Variants in ITFG2 observed in about 807,000 individuals in gnomAD.
ITFG2 encodes integrin alpha FG-GAP repeat containing 2.
In ITFG2, 36 loss-of-function variants were observed where a neutral mutation model predicts 54.4. That is an observed-to-expected ratio of 0.66 (90% confidence interval 0.51 to 0.87). The LOEUF (loss-of-function observed/expected upper bound fraction) is 0.87, where lower values mean the gene tolerates loss of function less well. Ranked by LOEUF, ITFG2 falls within the 40% of genes least tolerant of loss-of-function variation. ITFG2 has a pLI of 0.00. For missense variants in ITFG2, 524 were observed against 576.7 expected (o/e 0.91, Z 0.94); for synonymous variants, 211 against 225.4 (o/e 0.94, Z 0.57).
chr12:2,814,509 C>T (rs2097916964), intron 1 of ITFG2, among the ~76,000 whole-genome samples: 1 of 152,010 alleles, frequency 6.6e-6, no homozygotes, highest in Admixed American at 6.6e-5. Context: ...CTGTTTTTTC[C>T]ACTGCTATAT....
chr12:2,850,289 C>G (rs1418924133), intron 2 of ITFG2, among the ~76,000 whole-genome samples: 2 of 152,018 alleles, frequency 1.3e-5, no homozygotes, highest in Non-Finnish European at 2.9e-5. Flanking sequence ...GCCTGGCCGA[C>G]ATGATGAAAC....
intron 2 of ITFG2, among the ~76,000 whole-genome samples, chr12:2,847,046 C>T (rs1427044410): frequency 6.6e-6 from 1 of 152,144 alleles, no homozygotes; most frequent in Non-Finnish European, 1.5e-5. Context: ...GGGAAGCATC[C>T]ATTCACCTTC....
At chr12:2,853,170 G>A (rs1010570585) in intron 2 of ITFG2, among the ~76,000 whole-genome samples, 2 of 152,300 alleles carry the variant, frequency 1.3e-5, no homozygotes, top group Middle Eastern at 6.8e-3. Flanking sequence ...GCCAGGGTCA[G>A]CACCTATCAG....
chr12:2,840,404 C>T (rs11611774), intron 1 of ITFG2, among the ~76,000 whole-genome samples: 29,950 of 148,848 alleles, frequency 0.2, 3,585 homozygotes, highest in South Asian at 0.34. Context: ...TGAAGTGAGC[C>T]GAGATCACGT....
Position 2,824,075 on chromosome 12 carries a change from C to A in ITFG2, c.1241-15C>A. On this transcript the variant is annotated splice_polypyrimidine_tract_variant and intron_variant, in intron 11 of 11. Transcript: ENST00000228799. ...GAGACCCACAGCCTCTTACCCACCC[C>A]TTCTTGGCTCTCAGATCCTGACGAC... 2 of 1,614,072 alleles carry A rather than the reference C, an allele frequency of 1.2e-6. No homozygotes were observed. Among genetic ancestry groups the A allele is most frequent in the Non-Finnish European group, 1.7e-6 (2 of 1,180,022 alleles).
chr12:2,834,966 A>G, upstream of ITFG2: 1 of 1,585,182 alleles, frequency 6.3e-7, no homozygotes, highest in African/African-American at 1.4e-5. Flanking sequence ...GGAGGGAAAG[A>G]GGAAAAATAA....
Position 2,824,199 on chromosome 12 carries a change from C to T in ITFG2, c.*6C>T. On this transcript the variant is annotated 3_prime_UTR_variant, in exon 12 of 12. Coordinates refer to ENST00000228799, the MANE Select transcript of ITFG2 (RefSeq NM_018463.4). ...GCCTCCAGGATCCCACCTAGCTGTA[C>T]TTGCCTCATAGCTGGTGAAGGATTC... The T allele has an allele frequency of 6.2e-7, 1 of 1,613,258 alleles. No individual in the cohort carries two copies. The highest frequency in any genetic ancestry group is 8.5e-7 in the Non-Finnish European group (1 of 1,179,194).
exon 3 of ITFG2, chr12:2,830,887 T>C: frequency 6.2e-7 from 1 of 1,605,856 alleles, no homozygotes; most frequent in Non-Finnish European, 8.5e-7. Flanking sequence ...ACAATGAAGG[T>C]AGGCAGTTCT....
At position 2,812,885 on chromosome 12, in the gene ITFG2, C is replaced by A. The variant is rs775776371; in HGVS notation, c.96+29C>A. 3.2e-6 allele frequency: 5 copies of A among 1,577,618 alleles called. No homozygotes were observed. In the African/African-American group the frequency reaches 4.0e-5, roughly 13 times the overall value. Reference sequence around the variant, plus strand: ...GGTGCATGCGCACCGCAAGAGACAGCCTGGATCTGTGCAGGGACGGGGCAA... The same window carrying A: ...GGTGCATGCGCACCGCAAGAGACAGACTGGATCTGTGCAGGGACGGGGCAA... On this transcript the variant is annotated intron_variant, in intron 1 of 11. Transcript: ENST00000228799.
chr12:2,818,130 G>A lies in ITFG2; in HGVS notation c.259G>A (p.Glu87Lys), dbSNP rs2097928213. The change falls in exon 4 of 12, where the codon GAA becomes AAA. Residue 87 changes from glutamate to lysine, a missense_variant. Transcript: ENST00000228799. ...GKNLLVAVSAEGWFHLFDLTP... is the reference protein window; with the variant it reads ...GKNLLVAVSAKGWFHLFDLTP... ...GAACCTGTTGGTGGCAGTGAGTGCT[G>A]AAGGCTGGTTTCATTTGTTTGACCT... is the stretch of plus-strand genomic sequence containing the variant. 1 of 1,614,172 alleles carries A rather than the reference G, an allele frequency of 6.2e-7. No homozygotes were observed. The highest frequency in any genetic ancestry group is 1.1e-5 in the South Asian group (1 of 91,080).
intron 2 of ITFG2, among the ~76,000 whole-genome samples, chr12:2,848,497 C>G (rs910018832): frequency 2.0e-5 from 3 of 152,208 alleles, no homozygotes; most frequent in Admixed American, 2.0e-4. Flanking sequence ...ACCCTTCCCC[C>G]ACAGGTATCC....
At chr12:2,853,922 C>T (rs2098079267) in intron 2 of ITFG2, among the ~76,000 whole-genome samples, 2 of 152,194 alleles carry the variant, frequency 1.3e-5, no homozygotes, top group South Asian at 2.1e-4. Context: ...ACCCTTCCAG[C>T]CTGAACCCTG....
At chr12:2,856,982 T>C in intron 2 of ITFG2, 1 of 702,996 alleles carries the variant, frequency 1.4e-6, no homozygotes, top group South Asian at 1.5e-5. Context: ...CCATATGAGA[T>C]GGGTGACTGG....
rs189070495 is a variant in ITFG2 at position 2,823,960 on chromosome 12, C to T, written c.1240+17C>T. 21 of 1,611,724 alleles carry T rather than the reference C, an allele frequency of 1.3e-5. No homozygotes were observed. The African/African-American group carries it at 2.3e-4, about 17-fold the overall frequency. ...TGGGCGTGGGTGAGTCCCAGAAAAGCCAGTGGCCCGAGTGCCCAGGAGACC... is the reference window on the plus strand; with the variant it reads ...TGGGCGTGGGTGAGTCCCAGAAAAGTCAGTGGCCCGAGTGCCCAGGAGACC... On this transcript the variant is annotated intron_variant, in intron 11 of 11. Coordinates refer to ENST00000228799, the MANE Select transcript of ITFG2 (RefSeq NM_018463.4).
downstream of ITFG2, chr12:2,827,581 C>CT (rs2097974888): frequency 4.3e-6 from 7 of 1,613,608 alleles, no homozygotes; most frequent in Non-Finnish European, 5.1e-6. This position sits in a 1 kb window ranked among gnomAD's most constrained non-coding sequence, Gnocchi z 4.0. Context: ...CCTTCTACTA[C>CT]TTTTTCCCAG....
intron 3 of ITFG2, chr12:2,858,983 G>T (rs748643345): frequency 5.0e-6 from 8 of 1,613,442 alleles, no homozygotes; most frequent in Non-Finnish European, 5.1e-6. Flanking sequence ...GGTCAGGCAA[G>T]GGGTCAGAGG....
chr12:2,813,589 A>G (rs2153922953), intron 1 of ITFG2, among the ~76,000 whole-genome samples: 1 of 152,252 alleles, frequency 6.6e-6, no homozygotes, highest in Non-Finnish European at 1.5e-5. Context: ...TCTCCGGTGG[A>G]GCATTAAAGG....
chr12:2,838,998 A>C (rs959999575), intron 1 of ITFG2, among the ~76,000 whole-genome samples: 17 of 152,168 alleles, frequency 1.1e-4, no homozygotes, highest in African/African-American at 4.1e-4. Flanking sequence ...AATTAAAAAA[A>C]AAAAACAATT....
chr12:2,858,840 A>G, intron 3 of ITFG2: 2 of 1,614,164 alleles, frequency 1.2e-6, no homozygotes, highest in East Asian at 2.2e-5. Context: ...GGGGACGTCT[A>G]TATCTGAGGG....
Sources: allele counts gnomAD v4.1 joint callset (sites outside exome capture counted in the v4.1 genomes callset), GRCh38; gene constraint gnomAD v4.1.1; non-coding constraint Gnocchi (gnomAD v3.1); transcripts MANE v1.5; gene names NCBI Gene and HGNC (gene_info 2026-07-23, HGNC 2026-07-21).